GPAT3: variants seen among roughly 807,000 people sequenced by gnomAD.
GPAT3 encodes the protein 1-AGP acyltransferase 9.
A neutral mutation model predicts 58.8 loss-of-function variants in GPAT3; 53 were observed. That is an observed-to-expected ratio of 0.90 (90% CI 0.72 to 1.13). The LOEUF is 1.13. Among genes scored for constraint, GPAT3 ranks in the 50% most tolerant of loss-of-function variants. The pLI is 0.00. For synonymous variants in GPAT3, 197 were observed against 187.4 expected (o/e 1.05, Z -0.42); for missense variants, 511 against 527.6 (o/e 0.97, Z 0.31).
chr4:83,547,315 G>T (rs952244929), intron 2 of GPAT3, among the ~76,000 whole-genome samples: 10 of 147,346 alleles, frequency 6.8e-5, no homozygotes, highest in Non-Finnish European at 1.0e-4. Context: ...TGCAGTGGCG[G>T]GATCTCGGCT....
intron 8 of GPAT3, 61 bp downstream of exon 8, chr4:83,596,974 A>G: frequency 6.7e-7 from 1 of 1,490,532 alleles, no homozygotes; most frequent in Non-Finnish European, 9.3e-7. Flanking sequence ...AAAGTGTGTG[A>G]GGAATAGAAT....
At chr4:83,603,562 A>AG (rs1727142862) in intron 11 of GPAT3, among the ~76,000 whole-genome samples, 1 of 152,208 alleles carries the variant, frequency 6.6e-6, no homozygotes, top group South Asian at 2.1e-4. Flanking sequence ...AGGCTGAGGC[A>AG]GGCAGATCAC....
chr4:83,598,575 T>C (rs1726935035), intron 10 of GPAT3, 69 bp from the exon 11 acceptor site: 3 of 1,226,616 alleles, frequency 2.4e-6, no homozygotes, highest in Non-Finnish European at 3.6e-6. Flanking sequence ...CAAATACAAA[T>C]GATTATGAGA....
rs1560620940 is a variant in GPAT3, at chr4:83,579,033, T to C, written c.209-2529T>C. On this transcript the variant is annotated intron_variant, in intron 2 of 11. Transcript: ENST00000264409. Reference sequence around the variant, plus strand: ...CCTTCTTTCCCTTTCTTTCTTTCTTTCTTTCTTTCTTTCTTTCTTTCTTTC... The same window carrying C: ...CCTTCTTTCCCTTTCTTTCTTTCTTCCTTTCTTTCTTTCTTTCTTTCTTTC... Among the ~76,000 whole-genome samples the C allele has an allele frequency of 2.8e-3, 66 of 23,522 alleles. 4 individuals are homozygous for C. Among genetic ancestry groups the C allele is most frequent in the Middle Eastern group, 0.025 (1 of 40 alleles). The allele number at this position is 23,522 out of a possible 152,430, so 15.4% of individuals were successfully genotyped here.
chr4:83,548,766 C>A (rs151020174), intron 2 of GPAT3, among the ~76,000 whole-genome samples: 48 of 152,222 alleles, frequency 3.2e-4, no homozygotes, highest in African/African-American at 1.1e-3. Flanking sequence ...TTGATTTAGC[C>A]CCTGTGCTAA....
intron 2 of GPAT3, among the ~76,000 whole-genome samples, chr4:83,572,418 T>A (rs1370081235): frequency 6.6e-6 from 1 of 152,224 alleles, no homozygotes; most frequent in Admixed American, 6.5e-5. Context: ...ATAGTACAAT[T>A]AGTCACCTTA....
In GPAT3 at chr4:83,604,932, T is replaced by G; in HGVS notation, c.*165T>G. 1 of 584,908 alleles carries G rather than the reference T, an allele frequency of 1.7e-6. No homozygotes were observed. Among genetic ancestry groups the G allele is most frequent in the Non-Finnish European group, 2.9e-6 (1 of 339,562 alleles). The allele number at this position is 584,908 out of a possible 1,614,324, so 36.2% of individuals were successfully genotyped here. A position where few individuals can be genotyped will look rare whatever the true frequency, so the allele number is the denominator to read the frequency against. ...GAGGCAGAACCTACAGGTGCCCTTTTTGGCTTTTGTTGTTGTTGTAACATT... is the reference window on the plus strand; with the variant it reads ...GAGGCAGAACCTACAGGTGCCCTTTGTGGCTTTTGTTGTTGTTGTAACATT... On this transcript the variant is annotated 3_prime_UTR_variant, in exon 12 of 12. Transcript: ENST00000264409.
intron 2 of GPAT3, among the ~76,000 whole-genome samples, chr4:83,580,004 A>C (rs555459017): frequency 6.6e-6 from 1 of 152,330 alleles, no homozygotes; most frequent in East Asian, 1.9e-4. Flanking sequence ...CTATCTCAAA[A>C]GAAAATATTT....
intron 5 of GPAT3, among the ~76,000 whole-genome samples, chr4:83,589,321 C>T (rs1185180837): frequency 1.3e-5 from 2 of 152,210 alleles, no homozygotes; most frequent in Non-Finnish European, 2.9e-5. Context: ...GTGTCAAATA[C>T]TGGTTTCACT....
rs148769101 is a variant in GPAT3 at position 83,565,529 on chromosome 4, C to T, written c.209-16033C>T. Among the ~76,000 whole-genome samples, 161 of 152,086 alleles carry T rather than the reference C, an allele frequency of 1.1e-3. 1 individual carries two copies. Among genetic ancestry groups the T allele is most frequent in the African/African-American group, 3.5e-3 (146 of 41,508 alleles). ...TGTTTGTTTTTTTGAGACAGAATCT[C>T]GCTCTGTCACCCAGGGTGGAGTGCA... On this transcript the variant is annotated intron_variant, in intron 2 of 11. Coordinates refer to ENST00000264409, the MANE Select transcript of GPAT3 (RefSeq NM_032717.5).
At chr4:83,553,908 TAAATA>T (rs966765802) in intron 2 of GPAT3, among the ~76,000 whole-genome samples, 3 of 151,714 alleles carry the variant, frequency 2.0e-5, no homozygotes, top group African/African-American at 7.3e-5. Flanking sequence ...AATAAAAAAA[TAAATA>T]AAATAAATTA....
chr4:83,596,954 C>T, intron 8 of GPAT3, 41 bp downstream of exon 8: 1 of 1,548,248 alleles, frequency 6.5e-7, no homozygotes, highest in Non-Finnish European at 8.9e-7. Context: ...TTGATAACAA[C>T]AAACCATCAA....
At chr4:83,580,342 A>G (rs1726062068) in intron 2 of GPAT3, among the ~76,000 whole-genome samples, 1 of 152,214 alleles carries the variant, frequency 6.6e-6, no homozygotes, top group Non-Finnish European at 1.5e-5. Flanking sequence ...GTGAAACTAT[A>G]GTTTTAGATT....
chr4:83,584,753 G>A (rs1726314649), intron 3 of GPAT3, among the ~76,000 whole-genome samples: 2 of 152,194 alleles, frequency 1.3e-5, no homozygotes, highest in Non-Finnish European at 2.9e-5. Context: ...TGATCCGCCT[G>A]CCTTGGCTTC....
intron 2 of GPAT3, among the ~76,000 whole-genome samples, chr4:83,562,187 A>ATATTATATATATATAATATATATAT (rs1553944845): frequency 1.9e-5 from 1 of 52,902 alleles, no homozygotes; most frequent in African/African-American, 1.1e-4. Context: ...TATTATATAT[A>ATATTATATATATATAATATATATAT]TATATATATA....
chr4:83,538,437 A>G (rs968739409), intron 1 of GPAT3, among the ~76,000 whole-genome samples: 2 of 152,220 alleles, frequency 1.3e-5, no homozygotes, highest in African/African-American at 2.4e-5. Flanking sequence ...TGAGATCTTC[A>G]GAATCCTCTC....
intron 2 of GPAT3, among the ~76,000 whole-genome samples, chr4:83,568,634 G>A (rs55851819): frequency 0.23 from 35,473 of 151,436 alleles, 4,353 homozygotes; most frequent in East Asian, 0.32. Context: ...CAGCGTCCGG[G>A]GTAGCTGGGA....
chr4:83,549,675 G>T (rs1724677963), intron 2 of GPAT3, among the ~76,000 whole-genome samples: 1 of 149,560 alleles, frequency 6.7e-6, no homozygotes, highest in African/African-American at 2.5e-5. Context: ...TGGAATTACA[G>T]GGTGTGCCAC....
intron 1 of GPAT3, 55 bp from the exon 2 acceptor site, chr4:83,544,481 G>A (rs1439252802): frequency 2.6e-6 from 4 of 1,544,202 alleles, no homozygotes; most frequent in African/African-American, 2.7e-5. Flanking sequence ...TGGTTGAAGT[G>A]TTTTATGTTG....
Sources: gnomAD v4.1 joint callset for allele counts (sites outside exome capture counted in the v4.1 genomes callset) on GRCh38, gnomAD v4.1.1 for gene constraint, MANE v1.5 for transcripts, NCBI Gene and HGNC (gene_info 2026-07-23, HGNC 2026-07-21) for gene names.